SOCS7: variants seen among roughly 807,000 people sequenced by gnomAD.
The protein encoded by SOCS7 is NAP-4.
SOCS7 carries 18 observed loss-of-function variants against 58.9 expected under a neutral mutation model. The ratio of observed to expected loss-of-function variants is 0.31; its 90% CI spans 0.21 to 0.45. The LOEUF (loss-of-function observed/expected upper bound fraction) is 0.45. SOCS7 is among the 20% of genes least tolerant of loss of function. SOCS7 has a pLI of 1.00. For missense variants in SOCS7, 667 were observed against 837.3 expected (o/e 0.80, Z 2.51); for synonymous variants, 388 against 364.3 (o/e 1.06, Z -0.74).
chr17:38,358,183 A>G (rs934512861), intron 1 of SOCS7, among the ~76,000 whole-genome samples: 2 of 152,184 alleles, frequency 1.3e-5, no homozygotes, highest in Non-Finnish European at 2.9e-5. Context: ...TGTTGCTGCT[A>G]AGATGAAAGT....
intron 7 of SOCS7, among the ~76,000 whole-genome samples, chr17:38,392,879 C>T (rs2038189963): frequency 6.6e-6 from 1 of 152,202 alleles, no homozygotes; most frequent in African/African-American, 2.4e-5. Context: ...TCAAGGCAGG[C>T]CGGCTTTAGT....
chr17:38,377,878 T>C lies in SOCS7; in HGVS notation c.1681+36T>C, dbSNP rs764570283. ...ACTTCTGTTAATTATTTAACTTAAG[T>C]TGGGTATGATCCAGTTTAGTGTCAA... On this transcript the variant is annotated intron_variant, in intron 7 of 9. Coordinates refer to ENST00000612932, the MANE Select transcript of SOCS7 (RefSeq NM_014598.4). The C allele has an allele frequency of 1.9e-6, 3 of 1,600,306 alleles. No homozygotes were observed. In the African/African-American group the frequency reaches 4.0e-5, roughly 22 times the overall value.
chr17:38,355,259 C>G (rs587722940), intron 1 of SOCS7, among the ~76,000 whole-genome samples: 1 of 152,136 alleles, frequency 6.6e-6, no homozygotes, highest in Non-Finnish European at 1.5e-5. Flanking sequence ...AATGGGTGAG[C>G]GTTGACTGTC....
At chr17:38,358,454 C>G (rs1555567125) in intron 1 of SOCS7, among the ~76,000 whole-genome samples, 1 of 151,860 alleles carries the variant, frequency 6.6e-6, no homozygotes, top group Non-Finnish European at 1.5e-5. Context: ...ATGTAGGTAC[C>G]CATCACTAAA....
chr17:38,392,260 A>G (rs1429602465), intron 7 of SOCS7, among the ~76,000 whole-genome samples: 2 of 152,258 alleles, frequency 1.3e-5, no homozygotes, highest in African/African-American at 4.8e-5. Flanking sequence ...AAGTAATACA[A>G]TTAAATAGGC....
chr17:38,394,234 T>C (rs1298496312), intron 7 of SOCS7, among the ~76,000 whole-genome samples: 1 of 152,038 alleles, frequency 6.6e-6, no homozygotes, highest in Non-Finnish European at 1.5e-5. Flanking sequence ...TCCCATTGAG[T>C]CTATTTGGCA....
In SOCS7 at chr17:38,352,788, C is replaced by CAGA; in HGVS notation, c.738_739insAAG (p.Gln246_Gln247insLys). On this transcript the variant is annotated inframe_insertion, in exon 1 of 10. Transcript: ENST00000612932. This position sits in a 1 kb window ranked among gnomAD's most constrained non-coding sequence, Gnocchi z 5.5. ...GCGCCTGAGTAGAGGGGAGCAGCAGCAGCAGCAGCAGCAGCAACCTCCCCC... is the reference window on the plus strand; with the variant it reads ...GCGCCTGAGTAGAGGGGAGCAGCAGCAGAAGCAGCAGCAGCAGCAACCTCCCCC... 1 of 1,550,914 alleles carries CAGA rather than the reference C, an allele frequency of 6.4e-7. No homozygotes were observed. Among genetic ancestry groups the CAGA allele is most frequent in the South Asian group, 1.2e-5 (1 of 83,992 alleles).
At chr17:38,367,594 G>A (rs1463022246) in intron 5 of SOCS7, among the ~76,000 whole-genome samples, 2 of 152,020 alleles carry the variant, frequency 1.3e-5, no homozygotes, top group African/African-American at 4.8e-5. Flanking sequence ...GGCTGGTCTC[G>A]AACTCCTGAC....
chr17:38,366,794 C>T (rs1009708909), intron 5 of SOCS7, among the ~76,000 whole-genome samples: 3 of 152,338 alleles, frequency 2.0e-5, no homozygotes, highest in African/African-American at 7.2e-5. Flanking sequence ...CCACACCCAG[C>T]CCCTGTTTAT....
At chr17:38,399,071 G>C (rs1322996700) in intron 9 of SOCS7, among the ~76,000 whole-genome samples, 4 of 147,294 alleles carry the variant, frequency 2.7e-5, no homozygotes, top group Non-Finnish European at 5.9e-5. Flanking sequence ...CTGGGTGACA[G>C]AGCGAGACTC....
chr17:38,360,638 C>T (rs1438249011), intron 1 of SOCS7, among the ~76,000 whole-genome samples: 1 of 152,108 alleles, frequency 6.6e-6, no homozygotes, highest in Non-Finnish European at 1.5e-5. Flanking sequence ...CTCCTGGGTT[C>T]ACGCCGTTCT....
At chr17:38,365,495 T>A in intron 4 of SOCS7, 86 bp downstream of exon 4, 1 of 843,042 alleles carries the variant, frequency 1.2e-6, no homozygotes. Flanking sequence ...GAAATCTATT[T>A]ATGGAAATAA....
rs2037564389 is a variant in SOCS7, at chr17:38,352,326, T to C, written c.274T>C (p.Cys92Arg). Residue 92 changes from cysteine to arginine, a missense_variant, in exon 1 of 10, where the codon TGT becomes CGT. By Grantham distance (180) the Cys-to-Arg change is radical (BLOSUM62 -3). Coordinates refer to ENST00000612932, the MANE Select transcript of SOCS7 (RefSeq NM_014598.4). The surrounding 1 kb of genome is among the most constrained non-coding windows in gnomAD (Gnocchi z 5.5). ...GGAGCCGGGACCCTCGGAACTGCTG[T>C]GTCCCCGGCACCGCTGTGCCCTGGA... ...APEPGPSELL[C>R]PRHRCALDPK... 6.7e-7 allele frequency: 1 copy of C among 1,484,870 alleles called. No individual in the cohort carries two copies. Among genetic ancestry groups the C allele is most frequent in the Non-Finnish European group, 8.9e-7 (1 of 1,128,436 alleles). 92.0% of individuals were successfully genotyped at this position (1,484,870 alleles called of 1,614,324 possible). A position where few individuals can be genotyped will look rare whatever the true frequency, so the allele number is the denominator to read the frequency against.
At chr17:38,365,842 C>T (rs1298399005) in intron 4 of SOCS7, 1 of 292,462 alleles carries the variant, frequency 3.4e-6, no homozygotes, top group Non-Finnish European at 5.3e-6. Context: ...GCTTTGCCAG[C>T]TTACAGTACC....
intron 7 of SOCS7, among the ~76,000 whole-genome samples, chr17:38,392,783 C>T (rs1389260537): frequency 6.6e-6 from 1 of 152,110 alleles, no homozygotes; most frequent in Non-Finnish European, 1.5e-5. Context: ...GAGGTGCAGG[C>T]ACTCTAGAGA....
chr17:38,366,146 C>T, intron 4 of SOCS7, 141 bp from the exon 5 acceptor site: 1 of 1,316,808 alleles, frequency 7.6e-7, no homozygotes, highest in Non-Finnish European at 1.0e-6. Context: ...CTCTTTGCCA[C>T]TGCTTTGGCT....
intron 7 of SOCS7, among the ~76,000 whole-genome samples, chr17:38,381,959 A>AAC (rs1555570132): frequency 6.7e-6 from 1 of 149,108 alleles, no homozygotes; most frequent in African/African-American, 2.5e-5. Flanking sequence ...AAAAAAAAAA[A>AAC]AAAAAAAAAA....
chr17:38,354,875 T>G (rs587737361), intron 1 of SOCS7, among the ~76,000 whole-genome samples: 11 of 152,262 alleles, frequency 7.2e-5, no homozygotes, highest in African/African-American at 2.6e-4. Flanking sequence ...TCTAATAGAT[T>G]AGGAAGAGGA....
chr17:38,396,105 G>T (rs187079008), intron 9 of SOCS7, 107 bp downstream of exon 9: 1 of 894,636 alleles, frequency 1.1e-6, no homozygotes, highest in South Asian at 2.1e-5. Context: ...GGATAGCCCC[G>T]ATCCAGGCAT....
Sources: gnomAD v4.1 joint callset for allele counts (sites outside exome capture counted in the v4.1 genomes callset) on GRCh38, gnomAD v4.1.1 for gene constraint, Gnocchi (gnomAD v3.1) non-coding constraint, MANE v1.5 for transcripts, NCBI Gene and HGNC (gene_info 2026-07-23, HGNC 2026-07-21) for gene names.